The following AOPEP variants were observed in gnomAD, a reference collection of about 807,000 sequenced individuals.
The protein encoded by AOPEP is aminopeptidase O (putative), also known as aminopeptidase O.
A neutral mutation model predicts 98.1 loss-of-function variants in AOPEP; 77 were observed. The observed-to-expected ratio is 0.78, with a 90% CI of 0.65 to 0.95. AOPEP has a LOEUF of 0.95. Ranked by LOEUF, AOPEP falls within the 40% of genes least tolerant of loss-of-function variation. AOPEP has a pLI of 0.00. For missense variants in AOPEP, 1,024 were observed against 1,024.7 expected (o/e 1.00, Z 0.01); for synonymous variants, 346 against 365.3 (o/e 0.95, Z 0.60).
chr9:94,833,698 A>G (rs961931057), intron 5 of AOPEP, among the ~76,000 whole-genome samples: 3 of 152,228 alleles, frequency 2.0e-5, no homozygotes, highest in African/African-American at 7.2e-5. Context: ...TGAGTTCATA[A>G]TAATAAAAAT....
At chr9:95,110,922 C>T in the AOPEP span, 1 of 1,319,806 alleles carries the variant, frequency 7.6e-7, no homozygotes, top group Admixed American at 3.3e-5. Context: ...AGGAAATGAC[C>T]AACTTCTTTT....
At chr9:94,733,198 C>G (rs1830964971) in intron 1 of AOPEP, among the ~76,000 whole-genome samples, 1 of 151,266 alleles carries the variant, frequency 6.6e-6, no homozygotes, top group African/African-American at 2.4e-5. Context: ...GCTTAATCTC[C>G]CAGGCTCAAG....
chr9:94,823,188 G>A (rs1257478346), intron 5 of AOPEP, among the ~76,000 whole-genome samples: 4 of 152,114 alleles, frequency 2.6e-5, no homozygotes, highest in African/African-American at 4.8e-5. Context: ...TAGGGACGGG[G>A]TTTCTCCGTG....
At chr9:95,096,505 T>G in the AOPEP span, among the ~76,000 whole-genome samples, 1 of 152,026 alleles carries the variant, frequency 6.6e-6, no homozygotes, top group Admixed American at 6.5e-5. Context: ...ACACCGCCAG[T>G]GGTGATGCCC....
intron 2 of AOPEP, 76 bp downstream of exon 2, chr9:94,760,656 C>T (rs1158020826): frequency 1.7e-5 from 21 of 1,218,498 alleles, no homozygotes; most frequent in South Asian, 1.6e-4. Flanking sequence ...AACATGAGAC[C>T]GGCTCTGCAG....
At chr9:95,037,335 A>G (rs1260689611) in intron 13 of AOPEP, among the ~76,000 whole-genome samples, 2 of 152,124 alleles carry the variant, frequency 1.3e-5, no homozygotes, top group Non-Finnish European at 2.9e-5. Flanking sequence ...ATTAGTGTTC[A>G]TTGATAGAAG....
chr9:94,874,803 G>T (rs190857540), intron 5 of AOPEP, among the ~76,000 whole-genome samples: 201 of 152,218 alleles, frequency 1.3e-3, no homozygotes, highest in African/African-American at 4.7e-3. Flanking sequence ...AGTCCAGAAA[G>T]GCATTCAGAA....
intron 15 of AOPEP, 48 bp from the exon 16 acceptor site, chr9:95,082,527 G>A (rs762874420): frequency 6.2e-7 from 1 of 1,602,134 alleles, no homozygotes; most frequent in African/African-American, 1.3e-5. Context: ...GCGTGTGTGT[G>A]GGTACCCACA....
At chr9:94,843,074 A>G in intron 5 of AOPEP, among the ~76,000 whole-genome samples, 1 of 152,070 alleles carries the variant, frequency 6.6e-6, no homozygotes. Context: ...GTCTTCAAAT[A>G]TTTTCTTCTG....
At chr9:95,089,633 G>A (rs778547627), downstream of AOPEP, among the ~76,000 whole-genome samples, 1 of 152,220 alleles carries the variant, frequency 6.6e-6, no homozygotes, top group Non-Finnish European at 1.5e-5. Context: ...GCCAAGACTT[G>A]AGAGGCCCCC....
chr9:95,114,807 G>A, the AOPEP span: 470 of 1,005,420 alleles, frequency 4.7e-4, 4 homozygotes, highest in East Asian at 7.8e-3. Flanking sequence ...TTTGGGAGAC[G>A]CCCTTTACTT....
Position 95,085,154 on chromosome 9 carries a change from C to T in AOPEP, c.*5-1528C>T, listed in dbSNP as rs867673433. 3.4e-5 allele frequency: 15 copies of T among 438,166 alleles called. No homozygotes were observed. In the Middle Eastern group the frequency reaches 4.1e-3, roughly 120 times the overall value. The allele number at this position is 438,166 out of a possible 1,614,324, so 27.1% of individuals were successfully genotyped here. A position where few individuals can be genotyped will look rare whatever the true frequency, so the allele number is the denominator to read the frequency against. On this transcript the variant is annotated intron_variant, in intron 16 of 16. Coordinates refer to ENST00000375315, the MANE Select transcript of AOPEP (RefSeq NM_001193329.3). ...ACAGGCGTGAAGGCGGCAGTGTCGC[C>T]GGCGTCCTTCCGCGGAAGCCCAGTG...
In AOPEP at chr9:95,005,204, G is replaced by A; in HGVS notation, c.2024G>A (p.Arg675Gln). Residue 675 changes from arginine to glutamine, a missense_variant, in exon 12 of 17, where the codon CGG (arginine) becomes CAG (glutamine). Transcript: ENST00000375315. ...RRAGAECGLA[R>Q]QVRAEVTKWI... ...GCCGGGGCGGAGTGCGGGCTTGCGC[G>A]GCAAGTGCGCGCCGAGGTGAGTGCG... The A allele has an allele frequency of 8.8e-7, 1 of 1,131,422 alleles. No individual in the cohort carries two copies. The highest frequency in any genetic ancestry group is 1.1e-6 in the Non-Finnish European group (1 of 922,474). The allele number at this position is 1,131,422 out of a possible 1,614,324, so 70.1% of individuals were successfully genotyped here. A position where few individuals can be genotyped will look rare whatever the true frequency, so the allele number is the denominator to read the frequency against.
intron 13 of AOPEP, among the ~76,000 whole-genome samples, chr9:95,034,038 A>C (rs1211728604): frequency 3.9e-5 from 6 of 152,216 alleles, no homozygotes; most frequent in African/African-American, 1.4e-4. Flanking sequence ...TGATGATGAC[A>C]GAATTGCTGT....
At chr9:95,134,635 G>A in the AOPEP span, among the ~76,000 whole-genome samples, 1 of 152,254 alleles carries the variant, frequency 6.6e-6, no homozygotes, top group Admixed American at 6.5e-5. Flanking sequence ...CATTTTTTCA[G>A]GGTGCCTTGG....
chr9:95,136,724 T>A, the AOPEP span, among the ~76,000 whole-genome samples: 2 of 152,192 alleles, frequency 1.3e-5, no homozygotes, highest in South Asian at 4.1e-4. Context: ...CCTCAAACAA[T>A]CTTCCTGCCT....
At chr9:94,931,639 C>G in intron 7 of AOPEP, 1 of 942,768 alleles carries the variant, frequency 1.1e-6, no homozygotes. Context: ...CTATCTTGTT[C>G]TTTCTTTCAA....
chr9:94,773,760 C>A (rs1379114536), intron 3 of AOPEP, among the ~76,000 whole-genome samples: 1 of 152,038 alleles, frequency 6.6e-6, no homozygotes, highest in East Asian at 1.9e-4. Context: ...CATGTTGATG[C>A]CAGGAAAAAA....
intron 9 of AOPEP, among the ~76,000 whole-genome samples, chr9:94,957,009 G>A (rs545561139): frequency 6.6e-6 from 1 of 152,096 alleles, no homozygotes. Context: ...TCGAAAACTG[G>A]TTCAGAAGTC....
Sources: gnomAD v4.1 joint callset for allele counts (sites outside exome capture counted in the v4.1 genomes callset) on GRCh38, gnomAD v4.1.1 for gene constraint, MANE v1.5 for transcripts, NCBI Gene and HGNC (gene_info 2026-07-23, HGNC 2026-07-21) for gene names.